Variants in CUL5 observed in about 807,000 individuals in gnomAD.
CUL5 encodes cullin-5.
CUL5 carries 26 observed loss-of-function variants against 108.8 expected under a neutral mutation model. The ratio of observed to expected loss-of-function variants is 0.24; its 90% CI spans 0.18 to 0.33. The LOEUF is 0.33. Among genes scored for constraint, CUL5 ranks in the 10% least tolerant of loss-of-function variants. CUL5 has a pLI of 1.00. For synonymous variants in CUL5, 334 were observed against 298.0 expected (o/e 1.12, Z -1.25); for missense variants, 524 against 909.2 (o/e 0.58, Z 5.45).
intron 11 of CUL5, among the ~76,000 whole-genome samples, chr11:108,087,185 C>T (rs1394025464): frequency 6.6e-6 from 1 of 152,062 alleles, no homozygotes; most frequent in Non-Finnish European, 1.5e-5. Context: ...CAAAGACATA[C>T]ATTTATACAA....
At chr11:108,099,433 A>C (rs1179050966) in intron 18 of CUL5, among the ~76,000 whole-genome samples, 1 of 152,234 alleles carries the variant, frequency 6.6e-6, no homozygotes, top group Non-Finnish European at 1.5e-5. Flanking sequence ...TCTATGGGGC[A>C]ATAAATAAAA....
At chr11:108,042,218 C>CTTTTTTTTTTTTTTTTTTTTT (rs11440201) in intron 2 of CUL5, among the ~76,000 whole-genome samples, 1 of 124,096 alleles carries the variant, frequency 8.1e-6, no homozygotes, top group Non-Finnish European at 1.6e-5. Context: ...ATCCACAATT[C>CTTTTTTTTTTTTTTTTTTTTT]TTTTTTTTTT....
intron 13 of CUL5, among the ~76,000 whole-genome samples, chr11:108,093,228 T>C (rs1394477973): frequency 6.6e-6 from 1 of 152,224 alleles, no homozygotes; most frequent in African/African-American, 2.4e-5. Context: ...AGAGTAAGCA[T>C]CTTTTCTTTG....
chr11:108,060,134 A>G (rs963739388), intron 7 of CUL5, among the ~76,000 whole-genome samples: 5 of 152,152 alleles, frequency 3.3e-5, no homozygotes, highest in Admixed American at 2.6e-4. Flanking sequence ...GCACTTATTA[A>G]CCTTCAGTAT....
chr11:108,022,764 C>T (rs778126190), intron 1 of CUL5, among the ~76,000 whole-genome samples: 19 of 152,138 alleles, frequency 1.2e-4, no homozygotes, highest in Non-Finnish European at 2.4e-4. Context: ...AATTTTTTAA[C>T]TTTCTCTGAG....
intron 13 of CUL5, among the ~76,000 whole-genome samples, chr11:108,089,929 G>T (rs1864309575): frequency 6.6e-6 from 1 of 151,850 alleles, no homozygotes; most frequent in Non-Finnish European, 1.5e-5. Flanking sequence ...AATTCCAGCT[G>T]CTTGGGAGGC....
intron 1 of CUL5, among the ~76,000 whole-genome samples, chr11:108,028,177 A>G (rs982420944): frequency 1.3e-5 from 2 of 152,220 alleles, no homozygotes; most frequent in African/African-American, 4.8e-5. Flanking sequence ...ACATTTTCAT[A>G]TGAATGTATA....
At position 108,095,571 on chromosome 11, in the gene CUL5, A is replaced by G. The variant is rs1285342942; in HGVS notation, c.1785A>G (p.Val595=). 6.2e-7 allele frequency: 1 copy of G among 1,613,292 alleles called. No homozygotes were observed. The highest frequency in any genetic ancestry group is 1.7e-5 in the Admixed American group (1 of 59,944). Residue 595 remains valine, a synonymous_variant, in exon 16 of 19, where the codon GTA becomes GTG. Coordinates refer to ENST00000393094, the MANE Select transcript of CUL5 (RefSeq NM_003478.6). ...KNEVGQYDLE[V]TTFQLAVLFA... is the part of the protein sequence containing the mutation. ...AAGTTGGTCAATATGATTTGGAGGTAACCACGTTTCAGCTCGCTGTATTGT... is the reference window on the plus strand; with the variant it reads ...AAGTTGGTCAATATGATTTGGAGGTGACCACGTTTCAGCTCGCTGTATTGT...
chr11:108,060,919 G>A (rs1270175840), intron 7 of CUL5, among the ~76,000 whole-genome samples: 7 of 152,028 alleles, frequency 4.6e-5, no homozygotes, highest in Non-Finnish European at 8.8e-5. Context: ...CATTCAACAG[G>A]TACTTATTGG....
At chr11:108,090,896 A>G (rs1225375207) in intron 13 of CUL5, among the ~76,000 whole-genome samples, 1 of 152,206 alleles carries the variant, frequency 6.6e-6, no homozygotes, top group Non-Finnish European at 1.5e-5. Flanking sequence ...GCTTAGTAGG[A>G]AAAAGAATGA....
chr11:108,024,884 G>A (rs1327767920), intron 1 of CUL5, among the ~76,000 whole-genome samples: 1 of 152,070 alleles, frequency 6.6e-6, no homozygotes, highest in Non-Finnish European at 1.5e-5. Context: ...TCAATTTCAA[G>A]CATCCTACTT....
intron 16 of CUL5, among the ~76,000 whole-genome samples, chr11:108,096,876 A>G (rs1864516494): frequency 6.6e-6 from 1 of 151,964 alleles, no homozygotes; most frequent in South Asian, 2.1e-4. Flanking sequence ...TACATACTTA[A>G]TTTTTATACT....
In CUL5 at chr11:108,087,194, A is replaced by G. The variant is rs79489674; in HGVS notation, c.1179-1333A>G. On this transcript the variant is annotated intron_variant, in intron 11 of 18. Transcript: ENST00000393094. ...TCAGGGCAAAGACATACATTTATAC[A>G]AATAAAAGAAATTATGCTGATTCCT... Among the ~76,000 whole-genome samples, 657 of 152,320 alleles carry G rather than the reference A, an allele frequency of 4.3e-3. 8 individuals are homozygous for G. Among genetic ancestry groups the G allele is most frequent in the African/African-American group, 0.014 (577 of 41,574 alleles).
intron 2 of CUL5, among the ~76,000 whole-genome samples, chr11:108,038,832 G>T (rs1290165075): frequency 6.6e-6 from 1 of 152,058 alleles, no homozygotes; most frequent in Non-Finnish European, 1.5e-5. Flanking sequence ...CATTTAGGTT[G>T]CTTATATCTT....
chr11:108,096,405 T>C (rs1864496483), intron 16 of CUL5, among the ~76,000 whole-genome samples: 1 of 150,430 alleles, frequency 6.6e-6, no homozygotes, highest in South Asian at 2.1e-4. Flanking sequence ...GGTGGGAAGA[T>C]TGCTTGAGCC....
Position 108,009,231 on chromosome 11 carries a change from C to T in CUL5, c.-118C>T. 3 of 1,090,716 alleles carry T rather than the reference C, an allele frequency of 2.8e-6. No individual in the cohort carries two copies. Among genetic ancestry groups the T allele is most frequent in the Non-Finnish European group, 2.7e-6 (2 of 731,946 alleles). 67.6% of individuals were successfully genotyped at this position (1,090,716 alleles called of 1,614,324 possible). On this transcript the variant is annotated 5_prime_UTR_variant, in exon 1 of 19. Coordinates refer to ENST00000393094, the MANE Select transcript of CUL5 (RefSeq NM_003478.6). ...CGGCGCGCTGCTCCAGCGCCCACCA[C>T]ACCCTGGTGCGGGCCGACGGGCCCT...
intron 7 of CUL5, among the ~76,000 whole-genome samples, chr11:108,067,496 C>T (rs1042700967): frequency 2.0e-5 from 3 of 151,542 alleles, no homozygotes; most frequent in African/African-American, 4.8e-5. Context: ...TTCATTGTTA[C>T]AATATGTGAT....
At chr11:108,089,657 ATACAT>A (rs763217056) in intron 13 of CUL5, 34 bp downstream of exon 13, 1 of 1,194,620 alleles carries the variant, frequency 8.4e-7, no homozygotes, top group Non-Finnish European at 1.1e-6. Context: ...TGGTTTTCTA[ATACAT>A]TACATCATTT....
At chr11:108,012,102 CTACTT>C (rs1862070829) in intron 1 of CUL5, among the ~76,000 whole-genome samples, 1 of 152,166 alleles carries the variant, frequency 6.6e-6, no homozygotes, top group East Asian at 1.9e-4. Context: ...TTCCATGTAA[CTACTT>C]TATCTTTGTT....
Sources: allele counts gnomAD v4.1 joint callset (sites outside exome capture counted in the v4.1 genomes callset), GRCh38; gene constraint gnomAD v4.1.1; transcripts MANE v1.5; gene names NCBI Gene and HGNC (gene_info 2026-07-23, HGNC 2026-07-21).